HSPG2: variants seen among roughly 807,000 people sequenced by gnomAD.
HSPG2 encodes the protein basement membrane-specific heparan sulfate proteoglycan core protein.
Under a neutral mutation model 526.6 loss-of-function variants are expected in HSPG2, and 278 were observed. That is an observed-to-expected ratio of 0.53 (90% CI 0.48 to 0.58). The LOEUF (loss-of-function observed/expected upper bound fraction) is 0.58, where lower values mean the gene tolerates loss of function less well. Ranked by LOEUF, HSPG2 falls within the 20% of genes least tolerant of loss-of-function variation. The pLI is 0.00. For synonymous variants in HSPG2, 2,465 were observed against 2,555.4 expected (o/e 0.96, Z 1.07); for missense variants, 5,354 against 6,099.5 (o/e 0.88, Z 4.07).
Position 21,880,495 on chromosome 1 carries a change from C to G in HSPG2, c.2063G>C (p.Ser688Thr), listed in dbSNP as rs139632856. ...QRAELLQVLQ[S>T]LEAVLIQTVY... ...GGTCTGGATGAGCACGGCCTCCAGG[C>G]TCTGCAGCACCTGCAGCAGCTCCGC... Residue 688 changes from serine (S) to threonine (T), a missense_variant, in exon 16 of 97, where the codon AGC becomes ACC. Physicochemically the swap from Ser to Thr is moderately conservative, Grantham distance 58. Transcript: ENST00000374695. The G allele has an allele frequency of 9.3e-6, 15 of 1,613,824 alleles. No individual in the cohort carries two copies. In the African/African-American group the frequency reaches 1.3e-4, roughly 14 times the overall value.
intron 1 of HSPG2, among the ~76,000 whole-genome samples, chr1:21,910,434 G>C (rs576540240): frequency 6.6e-5 from 10 of 152,332 alleles, no homozygotes; most frequent in African/African-American, 2.2e-4. Context: ...GAGACCCTCA[G>C]AAAAGCTGGG....
At chr1:21,855,699 C>T (rs774289134) in intron 45 of HSPG2, 24 bp from the exon 46 acceptor site, 2 of 1,586,156 alleles carry the variant, frequency 1.3e-6, no homozygotes, top group South Asian at 2.3e-5. Flanking sequence ...GTGGGGTCAG[C>T]ACCCACCAAG....
chr1:21,884,462 G>A, intron 13 of HSPG2, 66 bp downstream of exon 13: 1 of 1,600,604 alleles, frequency 6.2e-7, no homozygotes, highest in Non-Finnish European at 8.5e-7. Flanking sequence ...TCTATCCTCT[G>A]TGCCCCCTGG....
At position 21,859,585 on chromosome 1, in the gene HSPG2, C is replaced by T. The variant is rs1208299092; in HGVS notation, c.5274G>A (p.Arg1758=). Residue 1758 remains arginine, a synonymous_variant, in exon 42 of 97, where the codon CGG becomes CGA. Transcript: ENST00000374695. This position sits in a 1 kb window ranked among gnomAD's most constrained non-coding sequence, Gnocchi z 5.3. The part of the protein sequence containing the change: ...CRNLHQSNTS[R]AELLVTEAPS... ...ACTCACCAGTGACCAGCAGCTCTGCCCGGCTGGTATTGGATTGGTGGAGAT... is the reference window on the plus strand; with the variant it reads ...ACTCACCAGTGACCAGCAGCTCTGCTCGGCTGGTATTGGATTGGTGGAGAT... The T allele has an allele frequency of 6.2e-7, 1 of 1,602,876 alleles. No homozygotes were observed. The highest frequency in any genetic ancestry group is 1.7e-5 in the Admixed American group (1 of 58,592).
chr1:21,872,160 G>T lies in HSPG2; in HGVS notation c.4221+26C>A. On this transcript the variant is annotated intron_variant, in intron 33 of 96. Coordinates refer to ENST00000374695, the MANE Select transcript of HSPG2 (RefSeq NM_005529.7). This position sits in a 1 kb window ranked among gnomAD's most constrained non-coding sequence, Gnocchi z 5.5. ...GTGAACTCATGTCTGAGTCACGGCT[G>T]ACCCTGGTGCTTGGCTGGGGCCCAC... is the stretch of plus-strand genomic sequence containing the variant. 6.4e-7 allele frequency: 1 copy of T among 1,550,848 alleles called. No homozygotes were observed. The highest frequency in any genetic ancestry group is 1.2e-5 in the South Asian group (1 of 84,000).
chr1:21,860,060 T>C lies in HSPG2; in HGVS notation c.5015-58A>G. On this transcript the variant is annotated intron_variant, in intron 40 of 96. Transcript: ENST00000374695. ...TCAGCATTGTCTTCAATATCTCTGC[T>C]CTCCCAAAAGCTGGGGTACCCCACC... The C allele has an allele frequency of 1.9e-6, 3 of 1,601,396 alleles. No homozygotes were observed. In the South Asian group the frequency reaches 3.4e-5, roughly 18 times the overall value.
chr1:21,842,079 G>A lies in HSPG2; in HGVS notation c.9116C>T (p.Ala3039Val). ...GTCATGGATGAGGCACTTGAAGCTG[G>A]CATCCTGGCCCTGCTGCACGGTGCT... ...PSSTVQQGQD[A>V]SFKCLIHDGA... The change falls in exon 69 of 97, where the codon GCC (alanine) becomes GTC (valine). Residue 3039 changes from alanine to valine, a missense_variant. Transcript: ENST00000374695. The A allele has an allele frequency of 6.2e-7, 1 of 1,613,634 alleles. No individual in the cohort carries two copies. The highest frequency in any genetic ancestry group is 8.5e-7 in the Non-Finnish European group (1 of 1,180,028).
At chr1:21,920,709 G>C (rs1338497235) in intron 1 of HSPG2, among the ~76,000 whole-genome samples, 2 of 152,154 alleles carry the variant, frequency 1.3e-5, no homozygotes, top group Non-Finnish European at 2.9e-5. Context: ...TCTCAAAATA[G>C]CAGCTGCCAG....
At position 21,851,840 on chromosome 1, in the gene HSPG2, G is replaced by A; in HGVS notation, c.6957C>T (p.Ala2319=). ...YVCRASNGME[A]SITVTVTGTQ... Reference sequence around the variant, plus strand: ...TCCCAGTTACTGTGACCGTGATGGAGGCCTCCATGCCGTTGCTGGCCCGGC... The same window carrying A: ...TCCCAGTTACTGTGACCGTGATGGAAGCCTCCATGCCGTTGCTGGCCCGGC... The change falls in exon 54 of 97, where the codon GCC becomes GCT. Residue 2319 remains alanine (A), a synonymous_variant. Transcript: ENST00000374695. 1 of 1,613,594 alleles carries A rather than the reference G, an allele frequency of 6.2e-7. No homozygotes were observed. The highest frequency in any genetic ancestry group is 8.5e-7 in the Non-Finnish European group (1 of 1,179,946).
At chr1:21,841,883 C>T in intron 69 of HSPG2, 119 bp downstream of exon 69, 2 of 1,444,412 alleles carry the variant, frequency 1.4e-6, no homozygotes, top group Non-Finnish European at 1.9e-6. Flanking sequence ...AAGGGCCTTA[C>T]TCAGGGCCAC....
intron 3 of HSPG2, among the ~76,000 whole-genome samples, chr1:21,894,032 G>A (rs1228129483): frequency 6.6e-6 from 1 of 152,082 alleles, no homozygotes; most frequent in Non-Finnish European, 1.5e-5. Flanking sequence ...CCAGGGCAGG[G>A]AGGACAGGGG....
In HSPG2 at chr1:21,878,535, C is replaced by G. The variant is rs372229325; in HGVS notation, c.2558+42G>C. On this transcript the variant is annotated intron_variant, in intron 19 of 96. Transcript: ENST00000374695. ...CGCCATCAGCACTTCCATGACCCCACCCAGGAGCCCCCTTCCTGCAGCCCC... is the reference window on the plus strand; with the variant it reads ...CGCCATCAGCACTTCCATGACCCCAGCCAGGAGCCCCCTTCCTGCAGCCCC... 1.9e-6 allele frequency: 3 copies of G among 1,613,698 alleles called. No individual in the cohort carries two copies. The African/African-American group carries it at 4.0e-5, about 22-fold the overall frequency.
At position 21,859,271 on chromosome 1, in the gene HSPG2, A is replaced by T. The variant is rs1639582804; in HGVS notation, c.5293+295T>A. ...ACGACGTTGGCCAGGCTGGTCTCGA[A>T]CTCCTGACCTCATGATCTGCCCACC... On this transcript the variant is annotated intron_variant, in intron 42 of 96. Transcript: ENST00000374695. The surrounding 1 kb of genome is among the most constrained non-coding windows in gnomAD (Gnocchi z 5.3). 1.3e-5 allele frequency among the ~76,000 whole-genome samples: 2 copies of T among 151,882 alleles called. No homozygotes were observed. The highest frequency in any genetic ancestry group is 2.9e-5 in the Non-Finnish European group (2 of 67,976).
rs1170018029 is a variant in HSPG2, at chr1:21,873,091, C to T, written c.3794G>A (p.Arg1265Lys). Residue 1265 changes from arginine (R) to lysine (K), a missense_variant and splice_region_variant, in exon 31 of 97, where the codon AGA becomes AAA. Transcript: ENST00000374695. Reference protein sequence around the residue: ...GNPSQGQPCQRDSQVPGPIGC... With the variant: ...GNPSQGQPCQKDSQVPGPIGC... ...TATGGGCCCTGGCACCTGGCTGTCT[C>T]CTGAGGTGGAAGAAAGCCATGGCTG... 4 of 1,599,860 alleles carry T rather than the reference C, an allele frequency of 2.5e-6. No homozygotes were observed. Among genetic ancestry groups the T allele is most frequent in the Non-Finnish European group, 3.4e-6 (4 of 1,179,400 alleles).
Position 21,847,706 on chromosome 1 carries a change from G to GCGT in HSPG2, c.8007_8008insACG (p.Ser2669_Leu2670insThr). The GCGT allele has an allele frequency of 6.2e-7, 1 of 1,609,672 alleles. No individual in the cohort carries two copies. Among genetic ancestry groups the GCGT allele is most frequent in the Non-Finnish European group, 8.5e-7 (1 of 1,178,252 alleles). On this transcript the variant is annotated inframe_insertion, in exon 61 of 97. Transcript: ENST00000374695. The surrounding 1 kb of genome is among the most constrained non-coding windows in gnomAD (Gnocchi z 4.1). ...CTCTGTACCTGGTGTCGGGAGGGAAGGCTGCCCCCACGCTTGTACCATGTG... is the reference window on the plus strand; with the variant it reads ...CTCTGTACCTGGTGTCGGGAGGGAAGCGTGCTGCCCCCACGCTTGTACCATGTG...
rs761105435 is a variant in HSPG2 at position 21,872,851 on chromosome 1, AGCAGCCCCGG to A, written c.3889-101_3889-92del. On this transcript the variant is annotated intron_variant, in intron 31 of 96. Transcript: ENST00000374695. This position sits in a 1 kb window ranked among gnomAD's most constrained non-coding sequence, Gnocchi z 5.5. The stretch of plus-strand genomic sequence containing the variant: ...GAGGCCAGCCTCCCTGGCCACTTCC[AGCAGCCCCGG>A]GCAGCCCCTGCCCTGTCCCCCATGC... 2 of 1,563,186 alleles carry A rather than the reference AGCAGCCCCGG, an allele frequency of 1.3e-6. No homozygotes were observed. The highest frequency in any genetic ancestry group is 1.7e-6 in the Non-Finnish European group (2 of 1,145,374).
At chr1:21,876,689 G>A (rs778909692) in intron 21 of HSPG2, 37 bp from the exon 22 acceptor site, 2 of 1,613,586 alleles carry the variant, frequency 1.2e-6, no homozygotes, top group South Asian at 1.1e-5. Flanking sequence ...GACAGCCCAT[G>A]GGAGAGGCTG....
chr1:21,871,380 C>T (rs1421010875), intron 33 of HSPG2, among the ~76,000 whole-genome samples: 1 of 151,950 alleles, frequency 6.6e-6, no homozygotes, highest in Non-Finnish European at 1.5e-5. Context: ...CCACCTCAGC[C>T]TCCCTAAATA....
intron 10 of HSPG2, 77 bp downstream of exon 10, chr1:21,885,243 G>A (rs1176692556): frequency 3.1e-6 from 5 of 1,608,498 alleles, no homozygotes; most frequent in Non-Finnish European, 4.3e-6. Flanking sequence ...GAGGGAGAAG[G>A]GTGGAGGCTG....
Sources: allele counts gnomAD v4.1 joint callset (sites outside exome capture counted in the v4.1 genomes callset), GRCh38; gene constraint gnomAD v4.1.1; non-coding constraint Gnocchi (gnomAD v3.1); transcripts MANE v1.5; gene names NCBI Gene and HGNC (gene_info 2026-07-23, HGNC 2026-07-21).